Variants in TENM2 observed in about 807,000 individuals in gnomAD.
TENM2 encodes teneurin-2.
TENM2 carries 52 observed loss-of-function variants against 245.2 expected under a neutral mutation model. The ratio of observed to expected loss-of-function variants is 0.21; its 90% CI spans 0.17 to 0.27. The LOEUF is 0.27. Among genes scored for constraint, TENM2 ranks in the 10% least tolerant of loss-of-function variants. The pLI is 1.00. For missense variants in TENM2, 3,046 were observed against 3,666.8 expected (o/e 0.83, Z 4.37); for synonymous variants, 1,363 against 1,438.9 (o/e 0.95, Z 1.19).
chr5:167,516,743 C>T (rs1032755499), intron 2 of TENM2, among the ~76,000 whole-genome samples: 112 of 152,088 alleles, frequency 7.4e-4, no homozygotes, highest in Non-Finnish European at 7.5e-4. Flanking sequence ...TCAGGGTTTT[C>T]GCATCATATT....
At chr5:167,607,181 A>C (rs1395684124) in intron 2 of TENM2, among the ~76,000 whole-genome samples, 1 of 152,156 alleles carries the variant, frequency 6.6e-6, no homozygotes, top group African/African-American at 2.4e-5. Flanking sequence ...AGTAGAGAGA[A>C]ATGTCTCTCT....
At chr5:167,668,084 A>G (rs1382349051) in intron 2 of TENM2, among the ~76,000 whole-genome samples, 1 of 152,174 alleles carries the variant, frequency 6.6e-6, no homozygotes, top group Non-Finnish European at 1.5e-5. Context: ...CAAAGAAAAT[A>G]TAATCTGGTG....
chr5:167,153,999 G>C, the TENM2 span, among the ~76,000 whole-genome samples: 1 of 152,138 alleles, frequency 6.6e-6, no homozygotes, highest in Admixed American at 6.6e-5. Context: ...ATCAATAAAA[G>C]CTGCTTTCAG....
At chr5:168,058,322 A>G (rs1388555357) in intron 6 of TENM2, among the ~76,000 whole-genome samples, 1 of 152,170 alleles carries the variant, frequency 6.6e-6, no homozygotes, top group Non-Finnish European at 1.5e-5. Context: ...GATCACTTAC[A>G]TTTGCCAGGT....
chr5:166,979,188 C>CAGCAGCAGCAG, the TENM2 span, among the ~76,000 whole-genome samples: 14 of 97,610 alleles, frequency 1.4e-4, no homozygotes, highest in East Asian at 1.6e-3. Flanking sequence ...AGCAGCAGCA[C>CAGCAGCAGCAG]CACCACCAGC....
intron 28 of TENM2, among the ~76,000 whole-genome samples, chr5:168,261,636 G>C (rs1398367502): frequency 1.3e-5 from 2 of 152,202 alleles, no homozygotes; most frequent in African/African-American, 4.8e-5. Context: ...TCAACATCCT[G>C]CCCTTCGCAT....
chr5:167,414,822 C>T (rs1023790261), intron 2 of TENM2, among the ~76,000 whole-genome samples: 17 of 152,080 alleles, frequency 1.1e-4, no homozygotes, highest in Admixed American at 7.2e-4. Flanking sequence ...CTTCTGGGAA[C>T]GTTGCTTCAT....
chr5:167,936,189 G>T (rs938952518), intron 3 of TENM2, among the ~76,000 whole-genome samples: 1 of 152,198 alleles, frequency 6.6e-6, no homozygotes, highest in East Asian at 1.9e-4. Flanking sequence ...ATCTTATTGT[G>T]ATGAGTAATG....
the TENM2 span, among the ~76,000 whole-genome samples, chr5:167,082,907 A>C: frequency 6.6e-6 from 1 of 152,146 alleles, no homozygotes; most frequent in Non-Finnish European, 1.5e-5. Flanking sequence ...ATGTATCAAG[A>C]TCAACACAAA....
chr5:167,160,030 A>G, the TENM2 span, among the ~76,000 whole-genome samples: 1 of 152,218 alleles, frequency 6.6e-6, no homozygotes, highest in Non-Finnish European at 1.5e-5. Context: ...GTTGGGCTCT[A>G]TGTCTCAGGA....
the TENM2 span, among the ~76,000 whole-genome samples, chr5:167,235,301 C>T: frequency 6.6e-6 from 1 of 152,180 alleles, no homozygotes; most frequent in East Asian, 1.9e-4. Flanking sequence ...CAAATACAGC[C>T]GTATTCTTAG....
intron 25 of TENM2, chr5:168,230,953 C>T (rs1260891782): frequency 6.6e-6 from 1 of 152,274 alleles, no homozygotes; most frequent in Non-Finnish European, 1.5e-5. Context: ...ATGGGCGTAA[C>T]ACATCGCAGT....
the TENM2 span, among the ~76,000 whole-genome samples, chr5:167,188,290 C>T: frequency 6.6e-6 from 1 of 152,136 alleles, no homozygotes; most frequent in Non-Finnish European, 1.5e-5. Context: ...TCTCGCTAGG[C>T]CAATGCCGTT....
chr5:167,725,968 A>G lies in TENM2; in HGVS notation c.503-150018A>G, dbSNP rs140035199. 4.1e-3 allele frequency among the ~76,000 whole-genome samples: 622 copies of G among 152,158 alleles called. 4 individuals are homozygous for G. The highest frequency in any genetic ancestry group is 0.024 in the Middle Eastern group (7 of 294). On this transcript the variant is annotated intron_variant, in intron 2 of 28. Transcript: ENST00000518659. ...CCACAAACCCCGCCCCCACATGTCT[A>G]GTTATTAGCACTTCGCTGTGCTTAC...
At chr5:168,136,307 CACA>C (rs1755038091) in intron 12 of TENM2, among the ~76,000 whole-genome samples, 2 of 152,316 alleles carry the variant, frequency 1.3e-5, no homozygotes, top group Non-Finnish European at 2.9e-5. Context: ...AAGCTCACTC[CACA>C]CTTTCATCCC....
At chr5:168,229,011 G>GTATACATAATAA (rs959965599) in intron 25 of TENM2, among the ~76,000 whole-genome samples, 3 of 146,308 alleles carry the variant, frequency 2.1e-5, no homozygotes, top group African/African-American at 7.5e-5. Flanking sequence ...TACATTATAT[G>GTATACATAATAA]TATACATAAT....
intron 2 of TENM2, among the ~76,000 whole-genome samples, chr5:167,422,499 T>A (rs1160459459): frequency 6.6e-6 from 1 of 152,210 alleles, no homozygotes; most frequent in Non-Finnish European, 1.5e-5. Context: ...TGTCTTATTT[T>A]GCAAAAGAGC....
At chr5:167,955,948 G>A (rs1042635627) in intron 4 of TENM2, among the ~76,000 whole-genome samples, 7 of 151,708 alleles carry the variant, frequency 4.6e-5, no homozygotes, top group Non-Finnish European at 5.9e-5. Flanking sequence ...TCACTTGGCC[G>A]TATGGGCTCT....
chr5:168,195,525 C>T (rs1332278799), intron 15 of TENM2, among the ~76,000 whole-genome samples: 1 of 146,238 alleles, frequency 6.8e-6, no homozygotes, highest in Non-Finnish European at 1.5e-5. Flanking sequence ...ACAGCCACCT[C>T]GTTTTTTTAA....
Sources: gnomAD v4.1 joint callset for allele counts (sites outside exome capture counted in the v4.1 genomes callset) on GRCh38, gnomAD v4.1.1 for gene constraint, MANE v1.5 for transcripts, NCBI Gene and HGNC (gene_info 2026-07-23, HGNC 2026-07-21) for gene names.